FUT9: variants seen among roughly 807,000 people sequenced by gnomAD.
FUT9 encodes fucosyltransferase 9, also known as 4-galactosyl-N-acetylglucosaminide 3-alpha-L-fucosyltransferase 9.
FUT9 carries 15 observed loss-of-function variants against 29.7 expected under a neutral mutation model. That is an observed-to-expected ratio of 0.51 (90% CI 0.34 to 0.78). The LOEUF (loss-of-function observed/expected upper bound fraction) is 0.78. Among genes scored for constraint, FUT9 ranks in the 30% least tolerant of loss-of-function variants. The pLI is 0.01. For synonymous variants in FUT9, 169 were observed against 153.7 expected (o/e 1.10, Z -0.74); for missense variants, 319 against 425.4 (o/e 0.75, Z 2.20).
intron 1 of FUT9, among the ~76,000 whole-genome samples, chr6:96,031,766 T>C (rs1770266103): frequency 6.6e-6 from 1 of 151,612 alleles, no homozygotes; most frequent in Admixed American, 6.6e-5. Flanking sequence ...AATACTTTAC[T>C]TCTACTTTTA....
intron 2 of FUT9, among the ~76,000 whole-genome samples, chr6:96,147,209 T>C (rs1227257113): frequency 6.6e-6 from 1 of 151,090 alleles, no homozygotes; most frequent in Non-Finnish European, 1.5e-5. Context: ...TCGCCCAGGC[T>C]GGAGTGCAGT....
At chr6:96,045,476 A>T (rs1582190959) in intron 1 of FUT9, among the ~76,000 whole-genome samples, 1 of 152,178 alleles carries the variant, frequency 6.6e-6, no homozygotes, top group Non-Finnish European at 1.5e-5. Context: ...CATTTTGTTG[A>T]TTCCTAGATA....
chr6:96,166,692 C>T (rs1773021653), intron 2 of FUT9, among the ~76,000 whole-genome samples: 1 of 152,032 alleles, frequency 6.6e-6, no homozygotes, highest in African/African-American at 2.4e-5. Context: ...ATAGTTGCCC[C>T]TCAGTATCCC....
chr6:96,156,873 T>C (rs1772795403), intron 2 of FUT9, among the ~76,000 whole-genome samples: 1 of 152,214 alleles, frequency 6.6e-6, no homozygotes, highest in Admixed American at 6.5e-5. Context: ...TGTGCTGAGG[T>C]TTGGAACTCA....
chr6:96,200,063 T>A (rs1234466194), intron 2 of FUT9, among the ~76,000 whole-genome samples: 1 of 152,110 alleles, frequency 6.6e-6, no homozygotes, highest in African/African-American at 2.4e-5. Context: ...TGCCATTAAC[T>A]CTCTGTGTGG....
At chr6:96,149,233 G>A (rs1772632860) in intron 2 of FUT9, among the ~76,000 whole-genome samples, 1 of 151,686 alleles carries the variant, frequency 6.6e-6, no homozygotes, top group Non-Finnish European at 1.5e-5. Context: ...AGTATTCCAT[G>A]CAATTTTGTT....
chr6:96,122,378 A>G (rs927387825), intron 2 of FUT9, among the ~76,000 whole-genome samples: 1 of 152,198 alleles, frequency 6.6e-6, no homozygotes, highest in Non-Finnish European at 1.5e-5. Context: ...TCTCAAATGC[A>G]GAAACTACAC....
At chr6:96,045,693 G>A in intron 1 of FUT9, among the ~76,000 whole-genome samples, 1 of 152,174 alleles carries the variant, frequency 6.6e-6, no homozygotes, top group South Asian at 2.1e-4. Flanking sequence ...AGAAAAGGGT[G>A]CTTGGATGGG....
chr6:96,027,031 T>G (rs1051818221), intron 1 of FUT9, among the ~76,000 whole-genome samples: 7 of 151,674 alleles, frequency 4.6e-5, no homozygotes, highest in African/African-American at 1.7e-4. Context: ...GATGAATAAC[T>G]GAATGGAAGA....
chr6:96,197,959 C>T (rs1179240084), intron 2 of FUT9, among the ~76,000 whole-genome samples: 1 of 152,166 alleles, frequency 6.6e-6, no homozygotes, highest in African/African-American at 2.4e-5. Flanking sequence ...GTAGGACTGC[C>T]TCTCCATGAG....
rs185416180 is a variant in FUT9 at position 96,215,488 on chromosome 6, T to C, written c.*11253T>C. ...CTTCAGTCATATTTCCTAAATTCAG[T>C]GTAAGTACCTCGCTGATTTAGCACT... On this transcript the variant is annotated 3_prime_UTR_variant, in exon 3 of 3. Coordinates refer to ENST00000302103, the MANE Select transcript of FUT9 (RefSeq NM_006581.4). The C allele has an allele frequency of 6.0e-6, 1 of 166,876 alleles. No homozygotes were observed. The highest frequency in any genetic ancestry group is 2.4e-5 in the African/African-American group (1 of 41,576). The allele number at this position is 166,876 out of a possible 1,614,324, so 10.3% of individuals were successfully genotyped here. A position where few individuals can be genotyped will look rare whatever the true frequency, so the allele number is the denominator to read the frequency against.
In FUT9 at chr6:96,214,232, A is replaced by G. The variant is rs1274281667; in HGVS notation, c.*9997A>G. ...GTACAAAGCATGAAGATGTGAAAAT[A>G]TCATCTTAACCAGTTTCATTCTATG... On this transcript the variant is annotated 3_prime_UTR_variant, in exon 3 of 3. Coordinates refer to ENST00000302103, the MANE Select transcript of FUT9 (RefSeq NM_006581.4). The G allele has an allele frequency of 1.2e-5, 2 of 166,846 alleles. No individual in the cohort carries two copies. Among genetic ancestry groups the G allele is most frequent in the African/African-American group, 4.8e-5 (2 of 41,456 alleles). 10.3% of individuals were successfully genotyped at this position (166,846 alleles called of 1,614,324 possible). A position where few individuals can be genotyped will look rare whatever the true frequency, so the allele number is the denominator to read the frequency against.
chr6:96,202,231 T>G (rs1773738664), intron 2 of FUT9, among the ~76,000 whole-genome samples: 1 of 152,102 alleles, frequency 6.6e-6, no homozygotes, highest in Non-Finnish European at 1.5e-5. Flanking sequence ...AAAAAAAGCC[T>G]TCACTCATCT....
At chr6:96,119,697 G>A (rs1310213953) in intron 2 of FUT9, among the ~76,000 whole-genome samples, 2 of 152,052 alleles carry the variant, frequency 1.3e-5, no homozygotes, top group African/African-American at 4.8e-5. Flanking sequence ...TCATCACTAT[G>A]CCCATCTGCT....
intron 1 of FUT9, among the ~76,000 whole-genome samples, chr6:96,070,950 T>A (rs540365702): frequency 6.6e-6 from 1 of 152,192 alleles, no homozygotes; most frequent in Non-Finnish European, 1.5e-5. Context: ...ATCAGATAGA[T>A]GTTAGTCTTC....
At chr6:96,145,529 T>C (rs1772549949) in intron 2 of FUT9, among the ~76,000 whole-genome samples, 1 of 152,120 alleles carries the variant, frequency 6.6e-6, no homozygotes, top group African/African-American at 2.4e-5. Context: ...ATAAGTATGA[T>C]GTATAGTGTG....
intron 1 of FUT9, among the ~76,000 whole-genome samples, chr6:96,100,065 A>T (rs1771560885): frequency 6.6e-6 from 1 of 152,150 alleles, no homozygotes; most frequent in Non-Finnish European, 1.5e-5. Flanking sequence ...ATTCATTAAG[A>T]TTTACATGGA....
chr6:96,086,406 T>C (rs1170422676), intron 1 of FUT9, among the ~76,000 whole-genome samples: 2 of 152,228 alleles, frequency 1.3e-5, no homozygotes, highest in Non-Finnish European at 2.9e-5. Flanking sequence ...CTTCAGTTTG[T>C]CCCCTATTCA....
intron 2 of FUT9, among the ~76,000 whole-genome samples, chr6:96,194,194 A>C (rs573214840): frequency 8.2e-4 from 125 of 152,320 alleles, no homozygotes; most frequent in African/African-American, 2.8e-3. Context: ...CTAGAACTTA[A>C]AGTATAATAA....
Sources: allele counts gnomAD v4.1 joint callset (sites outside exome capture counted in the v4.1 genomes callset), GRCh38; gene constraint gnomAD v4.1.1; transcripts MANE v1.5; gene names NCBI Gene and HGNC (gene_info 2026-07-23, HGNC 2026-07-21).